Variants in WDPCP observed in about 807,000 individuals in gnomAD.
WDPCP encodes WD repeat-containing and planar cell polarity effector protein fritz homolog.
A neutral mutation model predicts 93.1 loss-of-function variants in WDPCP; 71 were observed. The ratio of observed to expected loss-of-function variants is 0.76; its 90% CI spans 0.63 to 0.93. The LOEUF (loss-of-function observed/expected upper bound fraction) is 0.93. Among genes scored for constraint, WDPCP ranks in the 40% least tolerant of loss-of-function variants. The pLI is 0.00. For synonymous variants in WDPCP, 315 were observed against 315.0 expected (o/e 1.00, Z 0.00); for missense variants, 844 against 887.4 (o/e 0.95, Z 0.62).
rs146126201 is a variant in WDPCP, at chr2:63,119,739, C to A, written c.*2267G>T. ...CTAGGACAGATACTACCTAGCTGTT[C>A]CTGCCTATACCACTCTTCTTACTTT... is the stretch of plus-strand genomic sequence containing the variant. On this transcript the variant is annotated 3_prime_UTR_variant, in exon 18 of 18. Transcript: ENST00000272321. Among the ~76,000 whole-genome samples the A allele has an allele frequency of 0.015, 2,308 of 152,242 alleles. 43 individuals are homozygous for A. The highest frequency in any genetic ancestry group is 0.043 in the African/African-American group (1,785 of 41,542).
At chr2:63,224,211 C>T (rs1678080749) in intron 14 of WDPCP, among the ~76,000 whole-genome samples, 1 of 151,940 alleles carries the variant, frequency 6.6e-6, no homozygotes, top group Non-Finnish European at 1.5e-5. Flanking sequence ...TGACTACACA[C>T]CTATTGGGAT....
chr2:63,218,564 C>G (rs527491647), intron 14 of WDPCP, among the ~76,000 whole-genome samples: 5 of 152,258 alleles, frequency 3.3e-5, no homozygotes, highest in African/African-American at 1.2e-4. Context: ...GAGCCTCGCT[C>G]TGTTACCCAG....
chr2:63,228,410 T>G (rs1282496388), intron 14 of WDPCP: 4 of 150,608 alleles, frequency 2.7e-5, no homozygotes. Flanking sequence ...TTTTTTGAAT[T>G]TTTTGATTGA....
intron 14 of WDPCP, among the ~76,000 whole-genome samples, chr2:63,247,375 C>T (rs78658129): frequency 0.081 from 12,254 of 152,040 alleles, 660 homozygotes; most frequent in African/African-American, 0.14. Flanking sequence ...GTATGTCACA[C>T]GTTTACTCTT....
chr2:63,731,298 C>A (rs1669558074), intron 2 of WDPCP, among the ~76,000 whole-genome samples: 2 of 150,804 alleles, frequency 1.3e-5, no homozygotes, highest in South Asian at 4.2e-4. Context: ...AAGAATAAGA[C>A]TGTTTATAAA....
intron 17 of WDPCP, among the ~76,000 whole-genome samples, chr2:63,141,400 C>A (rs1671052463): frequency 6.6e-6 from 1 of 152,140 alleles, no homozygotes; most frequent in South Asian, 2.1e-4. Context: ...AATTCTGTTT[C>A]TGTGGTGTAT....
chr2:63,318,944 T>A (rs1238944345), intron 12 of WDPCP, among the ~76,000 whole-genome samples: 1 of 152,030 alleles, frequency 6.6e-6, no homozygotes, highest in Non-Finnish European at 1.5e-5. Context: ...AAAAAAAGAA[T>A]AACTTATACA....
At chr2:63,286,157 C>G (rs1423835327) in intron 13 of WDPCP, among the ~76,000 whole-genome samples, 1 of 152,052 alleles carries the variant, frequency 6.6e-6, no homozygotes, top group African/African-American at 2.4e-5. Flanking sequence ...AGGCGCACAC[C>G]ACCACACTCA....
intron 14 of WDPCP, among the ~76,000 whole-genome samples, chr2:63,204,684 T>A (rs776631934): frequency 6.0e-4 from 91 of 152,316 alleles, no homozygotes; most frequent in Non-Finnish European, 1.2e-3. Flanking sequence ...AGCTCATTTT[T>A]AAATAGGATT....
chr2:63,500,454 G>GGTGTGGGGGT (rs1553412907), intron 1 of WDPCP, among the ~76,000 whole-genome samples: 4 of 149,474 alleles, frequency 2.7e-5, no homozygotes, highest in African/African-American at 9.9e-5. Context: ...ATGGTGTGGG[G>GGTGTGGGGGT]GTGTGTGTGT....
intron 2 of WDPCP, among the ~76,000 whole-genome samples, chr2:63,729,298 A>C (rs1209831036): frequency 1.3e-5 from 2 of 152,226 alleles, no homozygotes; most frequent in Non-Finnish European, 2.9e-5. Flanking sequence ...AAAATTTTTT[A>C]ACCTAAAACC....
intron 14 of WDPCP, among the ~76,000 whole-genome samples, chr2:63,236,934 T>C (rs1342499722): frequency 6.6e-6 from 1 of 151,652 alleles, no homozygotes; most frequent in Non-Finnish European, 1.5e-5. Flanking sequence ...ATTTATGACT[T>C]GATAGACATC....
At chr2:63,132,299 T>G (rs1033832923) in intron 17 of WDPCP, among the ~76,000 whole-genome samples, 25 of 152,154 alleles carry the variant, frequency 1.6e-4, no homozygotes, top group African/African-American at 6.0e-4. Context: ...GCAGTTTGAT[T>G]GTAATGTGTC....
intron 6 of WDPCP, among the ~76,000 whole-genome samples, chr2:63,476,944 A>G (rs1700006274): frequency 6.6e-6 from 1 of 152,170 alleles, no homozygotes; most frequent in Admixed American, 6.6e-5. Context: ...TAAAAAGGAA[A>G]CTATCTTTAG....
intron 12 of WDPCP, among the ~76,000 whole-genome samples, chr2:63,355,096 C>A (rs1689916532): frequency 5.3e-5 from 8 of 152,116 alleles, no homozygotes; most frequent in Admixed American, 5.2e-4. Flanking sequence ...ACAGAGAACT[C>A]CTCCAACATT....
intron 2 of WDPCP, among the ~76,000 whole-genome samples, chr2:63,675,830 G>T (rs943272081): frequency 1.3e-5 from 2 of 152,148 alleles, no homozygotes; most frequent in Non-Finnish European, 2.9e-5. Flanking sequence ...TTATTTAAGT[G>T]TAATGTAGTG....
intron 2 of WDPCP, among the ~76,000 whole-genome samples, chr2:63,655,432 ATAT>A (rs1710156794): frequency 6.6e-6 from 1 of 151,570 alleles, no homozygotes; most frequent in African/African-American, 2.4e-5. Context: ...ATATATATAT[ATAT>A]TTAAATAACA....
At chr2:63,410,434 C>T (rs560174215) in intron 9 of WDPCP, among the ~76,000 whole-genome samples, 6 of 152,208 alleles carry the variant, frequency 3.9e-5, no homozygotes, top group South Asian at 2.1e-4. Flanking sequence ...ATAAATGACA[C>T]GGGACCTATA....
chr2:63,336,403 G>T (rs1688369212), intron 12 of WDPCP, among the ~76,000 whole-genome samples: 1 of 152,276 alleles, frequency 6.6e-6, no homozygotes, highest in South Asian at 2.1e-4. Context: ...TTGACTAGTA[G>T]TGGTGAAAGC....
Sources: allele counts gnomAD v4.1 joint callset (sites outside exome capture counted in the v4.1 genomes callset), GRCh38; gene constraint gnomAD v4.1.1; transcripts MANE v1.5; gene names NCBI Gene and HGNC (gene_info 2026-07-23, HGNC 2026-07-21).